MYO3B: variants seen among roughly 807,000 people sequenced by gnomAD.
MYO3B encodes the protein myosin-IIIb.
Under a neutral mutation model 174.6 loss-of-function variants are expected in MYO3B, and 156 were observed. That is an observed-to-expected ratio of 0.89 (90% CI 0.78 to 1.02). The LOEUF (loss-of-function observed/expected upper bound fraction) is 1.02, where lower values mean the gene tolerates loss of function less well. Among genes scored for constraint, MYO3B ranks in the 50% least tolerant of loss-of-function variants. The probability of loss-of-function intolerance (pLI) is 0.00; values close to 1 mark genes in which losing one functional copy is unlikely to be tolerated. For missense variants in MYO3B, 1,632 were observed against 1,639.4 expected (o/e 1.00, Z 0.08); for synonymous variants, 563 against 569.1 (o/e 0.99, Z 0.15).
intron 7 of MYO3B, among the ~76,000 whole-genome samples, chr2:170,240,514 A>G (rs1334411687): frequency 7.2e-5 from 11 of 152,194 alleles, no homozygotes; most frequent in Non-Finnish European, 1.3e-4. Flanking sequence ...AATGATTTGA[A>G]TCTGAGAAGT....
chr2:170,362,347 A>T (rs1047513259), intron 8 of MYO3B, among the ~76,000 whole-genome samples: 2 of 152,128 alleles, frequency 1.3e-5, no homozygotes, highest in Middle Eastern at 3.4e-3. Context: ...TCCTACCTTC[A>T]CTTGAGCTTA....
At chr2:170,344,019 A>G (rs2093996908) in intron 8 of MYO3B, among the ~76,000 whole-genome samples, 1 of 152,252 alleles carries the variant, frequency 6.6e-6, no homozygotes, top group East Asian at 1.9e-4. Flanking sequence ...GCAGGGCCAC[A>G]TGGCAGCCAC....
intron 32 of MYO3B, among the ~76,000 whole-genome samples, chr2:170,639,601 G>A (rs1044196978): frequency 7.2e-5 from 11 of 152,212 alleles, no homozygotes; most frequent in Admixed American, 7.2e-4. Context: ...CAAGACAATA[G>A]CAAACCATTG....
chr2:170,270,413 G>A (rs2093417179), intron 7 of MYO3B, among the ~76,000 whole-genome samples: 1 of 152,100 alleles, frequency 6.6e-6, no homozygotes, highest in African/African-American at 2.4e-5. Context: ...AAATGATAGG[G>A]TTTAGAACAA....
At chr2:170,536,639 A>C (rs750598207) in intron 30 of MYO3B, among the ~76,000 whole-genome samples, 2 of 152,222 alleles carry the variant, frequency 1.3e-5, no homozygotes. Context: ...CCCAGGAATA[A>C]TGTTTTTCCT....
intron 32 of MYO3B, among the ~76,000 whole-genome samples, chr2:170,591,643 T>G (rs1468468154): frequency 6.6e-6 from 1 of 152,104 alleles, no homozygotes; most frequent in Non-Finnish European, 1.5e-5. Context: ...ATCATAGAAC[T>G]TTAGAATTAA....
At chr2:170,472,681 T>TTATC (rs1364976057) in intron 25 of MYO3B, among the ~76,000 whole-genome samples, 3 of 127,030 alleles carry the variant, frequency 2.4e-5, no homozygotes, top group Admixed American at 7.6e-5. Context: ...ATCTATTTAT[T>TTATC]TATTTATTTA....
intron 7 of MYO3B, among the ~76,000 whole-genome samples, chr2:170,333,136 A>G (rs1011081651): frequency 1.6e-4 from 24 of 152,190 alleles, no homozygotes; most frequent in Admixed American, 1.6e-3. Context: ...AGATCAAGGA[A>G]AGTGCAAATC....
At chr2:170,625,795 C>T (rs1016210423) in intron 32 of MYO3B, among the ~76,000 whole-genome samples, 1 of 152,130 alleles carries the variant, frequency 6.6e-6, no homozygotes, top group Non-Finnish European at 1.5e-5. Flanking sequence ...TTATTTCTGC[C>T]TTCATTTCGT....
At chr2:170,401,797 T>A in intron 18 of MYO3B, 106 bp downstream of exon 18, 2 of 975,364 alleles carry the variant, frequency 2.1e-6, no homozygotes, top group Non-Finnish European at 2.9e-6. Context: ...ATTTTCTTTC[T>A]TTTTCTTTTT....
chr2:170,585,962 G>A (rs749353617), intron 32 of MYO3B, among the ~76,000 whole-genome samples: 3 of 152,158 alleles, frequency 2.0e-5, no homozygotes, highest in Non-Finnish European at 2.9e-5. Flanking sequence ...GGAGGCTGAG[G>A]CAGGCCAGGG....
At chr2:170,621,634 C>T (rs759317087) in intron 32 of MYO3B, among the ~76,000 whole-genome samples, 7 of 151,866 alleles carry the variant, frequency 4.6e-5, no homozygotes, top group Non-Finnish European at 7.4e-5. Context: ...CTCAGCCTCC[C>T]GGGTAGTTGG....
chr2:170,610,021 C>A (rs1473146851), intron 32 of MYO3B, among the ~76,000 whole-genome samples: 5 of 152,218 alleles, frequency 3.3e-5, no homozygotes, highest in African/African-American at 1.2e-4. Flanking sequence ...ACAGGTCAAA[C>A]AACCAATGCC....
chr2:170,441,993 GC>G (rs1286057393), intron 22 of MYO3B, among the ~76,000 whole-genome samples: 5 of 152,140 alleles, frequency 3.3e-5, no homozygotes, highest in Non-Finnish European at 7.4e-5. Flanking sequence ...TTTTCACCCA[GC>G]CCCTATTCAA....
chr2:170,259,646 G>T (rs2093330428), intron 7 of MYO3B, among the ~76,000 whole-genome samples: 1 of 152,120 alleles, frequency 6.6e-6, no homozygotes, highest in South Asian at 2.1e-4. Flanking sequence ...CCTTGGCAAA[G>T]AATTTATGAC....
chr2:170,463,351 T>A lies in MYO3B; in HGVS notation c.2731-17T>A, dbSNP rs753914666. The stretch of plus-strand genomic sequence containing the variant: ...TGCCTAGATCCTCAAACCACTTGCC[T>A]CCACCTATGCTTCCAGGTGGACACT... On this transcript the variant is annotated splice_polypyrimidine_tract_variant and intron_variant, in intron 23 of 34. Coordinates refer to ENST00000408978, the MANE Select transcript of MYO3B (RefSeq NM_138995.5). The A allele has an allele frequency of 1.9e-6, 3 of 1,612,454 alleles. No homozygotes were observed. The East Asian group carries it at 6.7e-5, about 36-fold the overall frequency.
chr2:170,274,446 C>T (rs1438262680), intron 7 of MYO3B, among the ~76,000 whole-genome samples: 1 of 152,170 alleles, frequency 6.6e-6, no homozygotes, highest in Admixed American at 6.6e-5. Context: ...CACAAGGATT[C>T]TACTCACTGT....
At chr2:170,465,474 C>T (rs1018273511) in intron 24 of MYO3B, among the ~76,000 whole-genome samples, 1 of 152,218 alleles carries the variant, frequency 6.6e-6, no homozygotes, top group African/African-American at 2.4e-5. Flanking sequence ...ACACCTCCCA[C>T]TGGGCCCATT....
chr2:170,573,232 T>TAA (rs1250501619), intron 32 of MYO3B, among the ~76,000 whole-genome samples: 24 of 134,886 alleles, frequency 1.8e-4, no homozygotes, highest in African/African-American at 6.5e-4. Context: ...TGTGTGTATA[T>TAA]ATATATATAT....
Sources: allele counts gnomAD v4.1 joint callset (sites outside exome capture counted in the v4.1 genomes callset), GRCh38; gene constraint gnomAD v4.1.1; transcripts MANE v1.5; gene names NCBI Gene and HGNC (gene_info 2026-07-23, HGNC 2026-07-21).